The following UBTF variants were observed in gnomAD, a reference collection of about 807,000 sequenced individuals.
The protein encoded by UBTF is upstream binding transcription factor.
In UBTF, 8 loss-of-function variants were observed where a neutral mutation model predicts 112.3. The observed-to-expected ratio is 0.07, with a 90% confidence interval of 0.04 to 0.13. The LOEUF is 0.13. UBTF is among the 10% of genes least tolerant of loss of function. The pLI is 1.00. For missense variants in UBTF, 457 were observed against 982.1 expected, an observed-to-expected ratio of 0.47 and a Z score of 7.15; for synonymous variants, 417 against 373.1, an observed-to-expected ratio of 1.12 and a Z score of -1.36.
chr17:44,209,665 T>A lies in UBTF; in HGVS notation c.1695A>T (p.Gly565=). 1 of 1,614,186 alleles carries A rather than the reference T, an allele frequency of 6.2e-7. No homozygotes were observed. The highest frequency in any genetic ancestry group is 8.5e-7 in the Non-Finnish European group (1 of 1,180,032). The change falls in exon 16 of 21, where the codon GGA becomes GGT. Residue 565 remains glycine, a synonymous_variant. Transcript: ENST00000436088. ...TNSSKKMKFQ[G]EPKKPPMNGY... is the part of the protein sequence containing the mutation. Reference sequence around the variant, plus strand: ...CTCACATGGGAGGCTTCTTGGGTTCTCCCTGGAATTTCATCTTCTTGGAAG... The same window carrying A: ...CTCACATGGGAGGCTTCTTGGGTTCACCCTGGAATTTCATCTTCTTGGAAG...
chr17:44,218,029 G>A (rs778201069), intron 2 of UBTF, 143 bp downstream of exon 2: 1 of 873,834 alleles, frequency 1.1e-6, no homozygotes, highest in Non-Finnish European at 1.8e-6. Flanking sequence ...TGTGGGAGAT[G>A]CTTGATTCAT....
chr17:44,219,356 G>A (rs2047044679), intron 1 of UBTF, 89 bp downstream of exon 1: 1 of 150,710 alleles, frequency 6.6e-6, no homozygotes, highest in African/African-American at 2.4e-5. Flanking sequence ...TGGTCGCTTC[G>A]GGTCCCCGCT....
At position 44,211,210 on chromosome 17, in the gene UBTF, C is replaced by T. The variant is rs745933103; in HGVS notation, c.1090-58G>A. The stretch of plus-strand genomic sequence containing the variant: ...CCTGGCACCCAGACTGCATGGTGCC[C>T]TATCTCCAGGGGCTCACCAGGGCTC... On this transcript the variant is annotated intron_variant, in intron 11 of 20. Coordinates refer to ENST00000436088, the MANE Select transcript of UBTF (RefSeq NM_014233.4). The surrounding 1 kb of genome is among the most constrained non-coding windows in gnomAD (Gnocchi z 4.9). 2 of 1,613,474 alleles carry T rather than the reference C, an allele frequency of 1.2e-6. No individual in the cohort carries two copies. Among genetic ancestry groups the T allele is most frequent in the Non-Finnish European group, 1.7e-6 (2 of 1,179,722 alleles).
At chr17:44,207,808 C>T (rs759134486) in intron 18 of UBTF, 38 bp from the exon 19 acceptor site, 11 of 1,613,994 alleles carry the variant, frequency 6.8e-6, no homozygotes, top group South Asian at 1.1e-5. Context: ...GCCATGAGTT[C>T]GACACCCCTG....
Position 44,210,084 on chromosome 17 carries a change from G to A in UBTF, c.1626+40C>T, listed in dbSNP as rs370357560. 31 of 1,608,240 alleles carry A rather than the reference G, an allele frequency of 1.9e-5. No homozygotes were observed. The East Asian group carries it at 2.5e-4, about 13-fold the overall frequency. On this transcript the variant is annotated intron_variant, in intron 15 of 20. Coordinates refer to ENST00000436088, the MANE Select transcript of UBTF (RefSeq NM_014233.4). ...GCTGCCCAACCAAAGGGGAGTTCCC[G>A]AGCTTTCAATGAATGGGGTGGCCCC...
Position 44,215,902 on chromosome 17 carries a change from T to C in UBTF, c.318+4A>G, listed in dbSNP as rs1291227264. On this transcript the variant is annotated splice_donor_region_variant and intron_variant, in intron 4 of 20. Coordinates refer to ENST00000436088, the MANE Select transcript of UBTF (RefSeq NM_014233.4). Reference sequence around the variant, plus strand: ...CCCTCATGCTCCTCCTCCTAGTAACTCACCTTGAGTTTTTTGCCTTTGTAA... The same window carrying C: ...CCCTCATGCTCCTCCTCCTAGTAACCCACCTTGAGTTTTTTGCCTTTGTAA... 6.2e-7 allele frequency: 1 copy of C among 1,614,082 alleles called. No homozygotes were observed. Among genetic ancestry groups the C allele is most frequent in the African/African-American group, 1.3e-5 (1 of 75,008 alleles).
intron 6 of UBTF, 73 bp downstream of exon 6, chr17:44,213,145 G>A (rs1433617823): frequency 2.5e-6 from 4 of 1,569,034 alleles, no homozygotes; most frequent in South Asian, 2.3e-5. Flanking sequence ...GCAAACTCAA[G>A]GCTCTGGCCA....
upstream of UBTF, chr17:44,220,750 G>C (rs1258060416): frequency 6.6e-6 from 1 of 151,832 alleles, no homozygotes; most frequent in Non-Finnish European, 1.5e-5. Flanking sequence ...CGAGCGTGTG[G>C]ATGGGAGCGC....
chr17:44,209,270 G>T, intron 17 of UBTF, 82 bp downstream of exon 17: 1 of 1,418,614 alleles, frequency 7.0e-7, no homozygotes, highest in Non-Finnish European at 9.5e-7. Context: ...GCCAGCACAA[G>T]TGGGTGGATG....
At chr17:44,221,201 C>T (rs1211082414), upstream of UBTF, 1 of 152,248 alleles carries the variant, frequency 6.6e-6, no homozygotes, top group African/African-American at 2.4e-5. Flanking sequence ...TCGCACTCAC[C>T]TGCGGAGCCG....
At chr17:44,217,396 C>T (rs1400068316) in intron 2 of UBTF, among the ~76,000 whole-genome samples, 3 of 152,218 alleles carry the variant, frequency 2.0e-5, no homozygotes, top group Non-Finnish European at 4.4e-5. Context: ...CCCAGAATTA[C>T]AAGCTGTCTT....
chr17:44,211,441 T>C lies in UBTF; in HGVS notation c.1048-110A>G. The C allele has an allele frequency of 1.3e-6, 2 of 1,570,750 alleles. No individual in the cohort carries two copies. The highest frequency in any genetic ancestry group is 8.7e-7 in the Non-Finnish European group (1 of 1,146,250). ...GGGCCTCCAGAGCCTGGGTGTGGGC[T>C]GGACTCCCTGCCTGGACGGGCTCAG... On this transcript the variant is annotated intron_variant, in intron 10 of 20. Coordinates refer to ENST00000436088, the MANE Select transcript of UBTF (RefSeq NM_014233.4). The surrounding 1 kb of genome is among the most constrained non-coding windows in gnomAD (Gnocchi z 4.9).
rs2046799293 is a variant in UBTF at position 44,215,398 on chromosome 17, C to T, written c.474+256G>A. On this transcript the variant is annotated intron_variant, in intron 5 of 20. Transcript: ENST00000436088. The stretch of plus-strand genomic sequence containing the variant: ...GGGAGAGAGAGCTTGAAACAGAATG[C>T]TGTGGGTTTTCTGTAGGGGGAAAGG... The T allele has an allele frequency of 5.9e-6, 3 of 507,706 alleles. No individual in the cohort carries two copies. In the East Asian group the frequency reaches 1.0e-4, roughly 17 times the overall value. 31.5% of individuals were successfully genotyped at this position (507,706 alleles called of 1,614,324 possible). A position where few individuals can be genotyped will look rare whatever the true frequency, so the allele number is the denominator to read the frequency against.
rs752226923 is a variant in UBTF at position 44,215,824 on chromosome 17, A to G, written c.319-15T>C. On this transcript the variant is annotated splice_polypyrimidine_tract_variant and intron_variant, in intron 4 of 20. Coordinates refer to ENST00000436088, the MANE Select transcript of UBTF (RefSeq NM_014233.4). ...TCTGGGTGTTTCTGGAAGAAGGGAC[A>G]AGGACACAATGGAGGTCAAATACAT... 6 of 1,614,096 alleles carry G rather than the reference A, an allele frequency of 3.7e-6. No individual in the cohort carries two copies. The South Asian group carries it at 6.6e-5, about 18-fold the overall frequency.
intron 8 of UBTF, 32 bp from the exon 9 acceptor site, chr17:44,212,038 T>G (rs1191144895): frequency 2.0e-5 from 28 of 1,400,678 alleles, no homozygotes; most frequent in East Asian, 3.0e-5. Flanking sequence ...CGGAGGGCAA[T>G]GGGGTGTGGA....
rs375951733 is a variant in UBTF, at chr17:44,216,619, G to A, written c.144C>T (p.Thr48=). The change falls in exon 3 of 21, where the codon ACC becomes ACT. Residue 48 remains threonine, a synonymous_variant. Transcript: ENST00000436088. ...TTTCCCAGTCCATGTGTGATTCGGT[G>A]GTTTTGAACTTGGAGCTGTCATTGG... ...LPSNDSSKFK[T]TESHMDWEKV... 1 of 1,614,186 alleles carries A rather than the reference G, an allele frequency of 6.2e-7. No homozygotes were observed. Among genetic ancestry groups the A allele is most frequent in the East Asian group, 2.2e-5 (1 of 44,886 alleles).
In UBTF at chr17:44,211,399, G is replaced by A. The variant is rs2056669225; in HGVS notation, c.1048-68C>T. 5 of 1,604,418 alleles carry A rather than the reference G, an allele frequency of 3.1e-6. No homozygotes were observed. Among genetic ancestry groups the A allele is most frequent in the African/African-American group, 1.3e-5 (1 of 74,720 alleles). On this transcript the variant is annotated intron_variant, in intron 10 of 20. Coordinates refer to ENST00000436088, the MANE Select transcript of UBTF (RefSeq NM_014233.4). This position sits in a 1 kb window ranked among gnomAD's most constrained non-coding sequence, Gnocchi z 4.9. ...CACCACAGACCCTGCAGTACTCGGAGGACAGTGACCTTCAGCGGGCCTCCA... is the reference window on the plus strand; with the variant it reads ...CACCACAGACCCTGCAGTACTCGGAAGACAGTGACCTTCAGCGGGCCTCCA...
In UBTF at chr17:44,210,516, G is replaced by A. The variant is rs1159644808; in HGVS notation, c.1360-43C>T. 5 of 1,522,132 alleles carry A rather than the reference G, an allele frequency of 3.3e-6. No homozygotes were observed. In the African/African-American group the frequency reaches 7.0e-5, roughly 21 times the overall value. The allele number at this position is 1,522,132 out of a possible 1,614,324, so 94.3% of individuals were successfully genotyped here. ...GCGTCAGCCTTCCACCCACCCCCAG[G>A]GGGCGCGCGCTCCCCGCGCAGCAGC... On this transcript the variant is annotated intron_variant, in intron 13 of 20. Coordinates refer to ENST00000436088, the MANE Select transcript of UBTF (RefSeq NM_014233.4).
upstream of UBTF, chr17:44,219,794 G>A (rs868024625): frequency 5.5e-3 from 838 of 151,944 alleles, 3 homozygotes; most frequent in Non-Finnish European, 7.8e-3. Context: ...GAGGGAGAAG[G>A]GAGGAGGAGG....
Sources: allele counts gnomAD v4.1 joint callset (sites outside exome capture counted in the v4.1 genomes callset), GRCh38; gene constraint gnomAD v4.1.1; non-coding constraint Gnocchi (gnomAD v3.1); transcripts MANE v1.5; gene names NCBI Gene and HGNC (gene_info 2026-07-23, HGNC 2026-07-21).